Variants in CCDC126 observed in about 807,000 individuals in gnomAD.
The protein encoded by CCDC126 is coiled-coil domain containing 126.
Under a neutral mutation model 11.7 loss-of-function variants are expected in CCDC126, and 5 were observed. The ratio of observed to expected loss-of-function variants is 0.43; its 90% confidence interval spans 0.22 to 0.90. CCDC126 has a LOEUF of 0.90. Among genes scored for constraint, CCDC126 ranks in the 40% least tolerant of loss-of-function variants. The pLI is 0.27. For synonymous variants in CCDC126, 60 were observed against 61.9 expected (o/e 0.97, Z 0.14); for missense variants, 150 against 163.1 (o/e 0.92, Z 0.44).
intron 3 of CCDC126, among the ~76,000 whole-genome samples, chr7:23,619,759 G>A (rs545207564): frequency 8.0e-6 from 1 of 124,432 alleles, no homozygotes; most frequent in East Asian, 2.4e-4. Context: ...AGGCCCTGGT[G>A]TGTGATGTTC....
At chr7:23,623,363 G>A (rs115981517) in intron 3 of CCDC126, among the ~76,000 whole-genome samples, 108 of 152,112 alleles carry the variant, frequency 7.1e-4, no homozygotes, top group African/African-American at 2.5e-3. Context: ...TTGAGAGGCC[G>A]AGGTGGGCGG....
At position 23,597,569 on chromosome 7, in the gene CCDC126, G is replaced by A. The variant is rs1201941084; in HGVS notation, c.-267G>A. ...TGCGTCGCCCCGGCTCAGAAGCTCC[G>A]TGGCGGCGGCGACCGTGACGAGAAG... On this transcript the variant is annotated 5_prime_UTR_variant, in exon 1 of 4. In the 5' UTR this introduces an upstream ATG that the reference lacks. Transcript: ENST00000307471. 1 of 152,266 alleles carries A rather than the reference G, an allele frequency of 6.6e-6. No homozygotes were observed. The highest frequency in any genetic ancestry group is 6.5e-5 in the Admixed American group (1 of 15,292). The allele number at this position is 152,266 out of a possible 1,614,324, so 9.4% of individuals were successfully genotyped here. A position where few individuals can be genotyped will look rare whatever the true frequency, so the allele number is the denominator to read the frequency against.
At chr7:23,604,539 C>A (rs1471811456) in intron 2 of CCDC126, among the ~76,000 whole-genome samples, 1 of 151,920 alleles carries the variant, frequency 6.6e-6, no homozygotes, top group Non-Finnish European at 1.5e-5. Flanking sequence ...TGCATAAATG[C>A]CTGACACTAA....
chr7:23,609,127 ATTTGGGGAGGTTCCAAAT>A (rs1782665642), intron 2 of CCDC126, among the ~76,000 whole-genome samples: 1 of 152,046 alleles, frequency 6.6e-6, no homozygotes, highest in Admixed American at 6.6e-5. Flanking sequence ...TCCAGGAACA[ATTTGGGGAGGTTCCAAAT>A]TTTGCAGCCT....
At chr7:23,631,621 C>T (rs1478685034) in intron 3 of CCDC126, among the ~76,000 whole-genome samples, 4 of 151,900 alleles carry the variant, frequency 2.6e-5, no homozygotes, top group African/African-American at 7.3e-5. Flanking sequence ...ATTAGCCGGG[C>T]GTGGTGGTGT....
At chr7:23,622,523 A>C (rs894678486) in intron 3 of CCDC126, 1 of 509,626 alleles carries the variant, frequency 2.0e-6, no homozygotes, top group African/African-American at 2.0e-5. Flanking sequence ...AGTGCAGTCA[A>C]CGATGGACTG....
Position 23,618,473 on chromosome 7 carries a change from G to A in CCDC126, c.238+6920G>A, listed in dbSNP as rs113235827. Among the ~76,000 whole-genome samples, 27 of 151,456 alleles carry A rather than the reference G, an allele frequency of 1.8e-4. 2 individuals carry two copies. The highest frequency in any genetic ancestry group is 4.4e-4 in the African/African-American group (18 of 41,236). ...CCTACCATGACTAATAAAGACATTCGTCACTCAGGAAATTCCAGGCACTTA... is the reference window on the plus strand; with the variant it reads ...CCTACCATGACTAATAAAGACATTCATCACTCAGGAAATTCCAGGCACTTA... On this transcript the variant is annotated intron_variant, in intron 3 of 3. Transcript: ENST00000307471.
At chr7:23,629,936 A>G (rs1314831306) in intron 3 of CCDC126, among the ~76,000 whole-genome samples, 1 of 152,220 alleles carries the variant, frequency 6.6e-6, no homozygotes, top group Admixed American at 6.5e-5. Flanking sequence ...TAAAATTTCC[A>G]TATTTGGCAA....
chr7:23,599,925 C>T (rs1459608631), intron 2 of CCDC126, among the ~76,000 whole-genome samples: 1 of 151,948 alleles, frequency 6.6e-6, no homozygotes, highest in African/African-American at 2.4e-5. Context: ...ACTGGGTTTA[C>T]AGGCATGCAC....
chr7:23,611,122 T>G (rs1395550213), intron 2 of CCDC126, 49 bp from the exon 3 acceptor site: 2 of 490,416 alleles, frequency 4.1e-6, no homozygotes, highest in Non-Finnish European at 7.2e-6. Flanking sequence ...GTCTGTTCTG[T>G]TACTGATACA....
chr7:23,614,481 A>G (rs1782764232), intron 3 of CCDC126, among the ~76,000 whole-genome samples: 1 of 152,180 alleles, frequency 6.6e-6, no homozygotes, highest in Non-Finnish European at 1.5e-5. Flanking sequence ...CTTCTAATTC[A>G]TTCATTCATT....
In CCDC126 at chr7:23,643,702, T is replaced by C. The variant is rs555820850; in HGVS notation, c.*587T>C. The C allele has an allele frequency of 5.9e-5, 9 of 152,764 alleles. No homozygotes were observed. The highest frequency in any genetic ancestry group is 1.2e-4 in the Non-Finnish European group (8 of 68,012). 9.5% of individuals were successfully genotyped at this position (152,764 alleles called of 1,614,324 possible). On this transcript the variant is annotated 3_prime_UTR_variant, in exon 4 of 4. Coordinates refer to ENST00000307471, the MANE Select transcript of CCDC126 (RefSeq NM_138771.4). ...ATCCTTCAGAATAACTGAAGGTTAA[T>C]TATTGTATATTTTTAAAAATTACAC...
chr7:23,612,224 A>C (rs184494701), intron 3 of CCDC126, among the ~76,000 whole-genome samples: 230 of 151,848 alleles, frequency 1.5e-3, no homozygotes, highest in African/African-American at 5.2e-3. Context: ...TGGGGGGCCA[A>C]GGTGGGAAGA....
intron 2 of CCDC126, among the ~76,000 whole-genome samples, chr7:23,599,901 C>T (rs1782504293): frequency 6.6e-6 from 1 of 152,182 alleles, no homozygotes. Flanking sequence ...TCTTGTACCT[C>T]AGCCATCCAA....
At chr7:23,617,629 A>G (rs906500795) in intron 3 of CCDC126, among the ~76,000 whole-genome samples, 1 of 152,112 alleles carries the variant, frequency 6.6e-6, no homozygotes, top group African/African-American at 2.4e-5. Flanking sequence ...AACTACCTGC[A>G]GTTAAGCCTG....
intron 3 of CCDC126, among the ~76,000 whole-genome samples, chr7:23,636,780 T>A (rs1228731336): frequency 5.4e-5 from 3 of 55,660 alleles, no homozygotes; most frequent in Admixed American, 3.7e-4. Flanking sequence ...GGGGGGGGGG[T>A]CAGCCCCCCG....
chr7:23,621,779 T>C (rs1334577824), intron 3 of CCDC126, among the ~76,000 whole-genome samples: 1 of 152,216 alleles, frequency 6.6e-6, no homozygotes, highest in Non-Finnish European at 1.5e-5. Context: ...TATTGAGAGT[T>C]TTTAGCATGA....
chr7:23,638,340 C>T (rs1783282086), intron 3 of CCDC126, among the ~76,000 whole-genome samples: 1 of 120,062 alleles, frequency 8.3e-6, no homozygotes, highest in South Asian at 3.1e-4. Context: ...TAGAAGTGGG[C>T]ATGGGAGACT....
chr7:23,610,124 C>T (rs975541831), intron 2 of CCDC126, among the ~76,000 whole-genome samples: 1 of 151,942 alleles, frequency 6.6e-6, no homozygotes, highest in African/African-American at 2.4e-5. Context: ...TTAATTTTTT[C>T]TTAAATTACA....
Sources: allele counts gnomAD v4.1 joint callset (sites outside exome capture counted in the v4.1 genomes callset), GRCh38; gene constraint gnomAD v4.1.1; transcripts MANE v1.5; gene names NCBI Gene and HGNC (gene_info 2026-07-23, HGNC 2026-07-21).